The following LINC00632 variants were observed in gnomAD, a reference collection of about 807,000 sequenced individuals.
The protein encoded by LINC00632 is long independently transcribed non-coding RNA 632, also known as ALDOA related specific transcript.
intron 3 of LINC00632, among the ~76,000 whole-genome samples, chrX:140,771,309 G>A (rs1019552343): frequency 2.1e-4 from 23 of 108,311 alleles, no homozygotes; most frequent in African/African-American, 7.6e-4. Flanking sequence ...TGACATGCTC[G>A]GAAAAAATAT....
chrX:140,723,716 C>G (rs1930809029), intron 2 of LINC00632, among the ~76,000 whole-genome samples: 1 of 74 alleles, frequency 0.014, no homozygotes, highest in African/African-American at 0.038. Context: ...TACACACACG[C>G]CATACACACA....
At chrX:140,782,918 T>C (rs1382105795) in exon 5 of LINC00632, 1 of 111,886 alleles carries the variant, frequency 8.9e-6, no homozygotes, top group Non-Finnish European at 1.9e-5. Context: ...TCTCCCAATA[T>C]CCAGGGCTTC....
At chrX:140,726,463 C>G (rs927044942) in intron 2 of LINC00632, among the ~76,000 whole-genome samples, 1 of 111,579 alleles carries the variant, frequency 9.0e-6, no homozygotes, top group Non-Finnish European at 1.9e-5. Flanking sequence ...CACACTCATC[C>G]CAAAATGCAT....
chrX:140,765,394 C>G (rs1931671938), intron 3 of LINC00632, among the ~76,000 whole-genome samples: 1 of 111,832 alleles, frequency 8.9e-6, no homozygotes, highest in South Asian at 3.8e-4. Flanking sequence ...TGGAACCGCC[C>G]GATCCCCACA....
intron 2 of LINC00632, among the ~76,000 whole-genome samples, chrX:140,712,767 T>C (rs1432441227): frequency 9.2e-6 from 1 of 108,437 alleles, no homozygotes; most frequent in African/African-American, 3.4e-5. Flanking sequence ...ACTTGCTACC[T>C]ATTACCAACC....
At chrX:140,757,835 G>C (rs1168130165) in intron 3 of LINC00632, among the ~76,000 whole-genome samples, 1 of 111,598 alleles carries the variant, frequency 9.0e-6, no homozygotes, top group East Asian at 2.8e-4. Context: ...CCAAAGTGCT[G>C]GGATTACAGG....
At chrX:140,781,601 T>TCAATTTTCTCTGCTTGTTCTC in exon 5 of LINC00632, among the ~76,000 whole-genome samples, 1 of 111,578 alleles carries the variant, frequency 9.0e-6, no homozygotes, top group Admixed American at 9.5e-5. Context: ...CCATTCGGCT[T>TCAATTTTCTCTGCTTGTTCTC]CAATTTTCTC....
intron 3 of LINC00632, among the ~76,000 whole-genome samples, chrX:140,736,992 C>A (rs1357565186): frequency 9.5e-6 from 1 of 104,931 alleles, no homozygotes; most frequent in East Asian, 3.0e-4. Context: ...CTCTGCCTCC[C>A]GGATTCAAGT....
chrX:140,768,190 C>A (rs1343924147), intron 3 of LINC00632, among the ~76,000 whole-genome samples: 7 of 111,178 alleles, frequency 6.3e-5, no homozygotes, highest in Non-Finnish European at 1.9e-5. Flanking sequence ...CATCTTTGAG[C>A]TTCTGCTTTT....
intron 3 of LINC00632, among the ~76,000 whole-genome samples, chrX:140,753,097 C>A (rs1931433654): frequency 8.9e-6 from 1 of 111,823 alleles, no homozygotes; most frequent in Non-Finnish European, 1.9e-5. Flanking sequence ...AGATCAGTTT[C>A]TTTGTTGTTT....
chrX:140,716,788 CACACACACACACACACACACACACACAG>C (rs1188980312), intron 2 of LINC00632, among the ~76,000 whole-genome samples: 1 of 106,439 alleles, frequency 9.4e-6, no homozygotes, highest in Non-Finnish European at 1.9e-5. Flanking sequence ...CATACACACA[CACACACACACACACACACACACACACAG>C]ACACACACAC....
intron 3 of LINC00632, among the ~76,000 whole-genome samples, chrX:140,744,567 TGG>T (rs373766988): frequency 8.2e-4 from 15 of 18,214 alleles, no homozygotes; most frequent in Non-Finnish European, 1.6e-3. Flanking sequence ...AGCTTTTTTT[TGG>T]GGGGGGGGGT....
chrX:140,736,114 C>T (rs1032906885), intron 3 of LINC00632, among the ~76,000 whole-genome samples: 8 of 111,043 alleles, frequency 7.2e-5, no homozygotes, highest in Non-Finnish European at 1.5e-4. Context: ...AAATAACTAG[C>T]AAAGTAAATA....
chrX:140,771,612 TACAC>T (rs77229499), intron 3 of LINC00632, among the ~76,000 whole-genome samples: 7,067 of 79,603 alleles, frequency 0.089, 309 homozygotes, highest in Admixed American at 0.17. Context: ...TTGGCATATA[TACAC>T]ACACACACAC....
chrX:140,772,512 G>A (rs926014500), exon 4 of LINC00632: 4 of 289,674 alleles, frequency 1.4e-5, no homozygotes, highest in African/African-American at 1.1e-4. Flanking sequence ...AACAAGGAGA[G>A]GGATGATAGA....
At chrX:140,732,614 T>C (rs1931077902) in intron 2 of LINC00632, among the ~76,000 whole-genome samples, 1 of 111,677 alleles carries the variant, frequency 9.0e-6, no homozygotes, top group Non-Finnish European at 1.9e-5. Flanking sequence ...CATGTGCCAG[T>C]GTAGGTATAT....
chrX:140,754,846 T>C (rs960100733), intron 3 of LINC00632, among the ~76,000 whole-genome samples: 1 of 110,608 alleles, frequency 9.0e-6, no homozygotes, highest in Admixed American at 9.7e-5. Flanking sequence ...AGGCTGTTTT[T>C]TTTTTAGCCT....
intron 3 of LINC00632, among the ~76,000 whole-genome samples, chrX:140,763,539 T>C (rs1056805338): frequency 5.4e-5 from 6 of 111,746 alleles, no homozygotes; most frequent in African/African-American, 1.6e-4. Flanking sequence ...TGAGACTCAA[T>C]TTTAACTGGG....
chrX:140,749,080 C>A (rs1465656860), intron 3 of LINC00632, among the ~76,000 whole-genome samples: 1 of 109,802 alleles, frequency 9.1e-6, no homozygotes. Flanking sequence ...ACTTCTGATT[C>A]TCAGATAAAA....
Sources: gnomAD v4.1 joint callset for allele counts (sites outside exome capture counted in the v4.1 genomes callset) on GRCh38, gnomAD v4.1.1 for gene constraint, MANE v1.5 for transcripts, NCBI Gene and HGNC (gene_info 2026-07-23, HGNC 2026-07-21) for gene names.